The following C1orf141 variants were observed in gnomAD, a reference collection of about 807,000 sequenced individuals.
The protein encoded by C1orf141 is chromosome 1 open reading frame 141.
Under a neutral mutation model 23.2 loss-of-function variants are expected in C1orf141, and 19 were observed. The observed-to-expected ratio is 0.82, with a 90% CI of 0.57 to 1.20. The LOEUF (loss-of-function observed/expected upper bound fraction) is 1.20, where lower values mean the gene tolerates loss of function less well. Ranked by LOEUF, C1orf141 falls within the 50% of genes most tolerant of loss-of-function variation. The pLI, the probability that C1orf141 is intolerant of heterozygous loss-of-function variation, is 0.00. For missense variants in C1orf141, 469 were observed against 455.1 expected, an observed-to-expected ratio of 1.03 and a Z score of -0.28; for synonymous variants, 153 against 154.6, an observed-to-expected ratio of 0.99 and a Z score of 0.08.
At position 67,141,080 on chromosome 1, in the gene C1orf141, A is replaced by G. The variant is rs1455189441; in HGVS notation, c.-103-9853T>C. On this transcript the variant is annotated intron_variant, in intron 1 of 7. Coordinates refer to the C1orf141 transcript ENST00000371007. Reference sequence around the variant, plus strand: ...TACAAGAGGTATGAAGAAATACGTAATAACATAGGAAAATGTGTATGATAT... The same window carrying G: ...TACAAGAGGTATGAAGAAATACGTAGTAACATAGGAAAATGTGTATGATAT... Among the ~76,000 whole-genome samples, 34 of 152,320 alleles carry G rather than the reference A, an allele frequency of 2.2e-4. 1 individual carries two copies. The highest frequency in any genetic ancestry group is 1.5e-5 in the Non-Finnish European group (1 of 68,000).
chr1:67,118,151 T>A (rs1646232093), intron 4 of C1orf141, among the ~76,000 whole-genome samples: 1 of 152,188 alleles, frequency 6.6e-6, no homozygotes, highest in Non-Finnish European at 1.5e-5. Context: ...AATTATTCCG[T>A]TGCCTTAGAA....
At chr1:67,131,944 G>A (rs1361377475) in intron 1 of C1orf141, among the ~76,000 whole-genome samples, 4 of 149,764 alleles carry the variant, frequency 2.7e-5, no homozygotes, top group African/African-American at 2.5e-5. Flanking sequence ...GCCACCACAC[G>A]CAGCTAATTT....
At chr1:67,129,732 C>A (rs969191790) in intron 2 of C1orf141, among the ~76,000 whole-genome samples, 3 of 152,174 alleles carry the variant, frequency 2.0e-5, no homozygotes, top group African/African-American at 7.2e-5. Context: ...ACTGCTGTGA[C>A]CTAAACCAGT....
chr1:67,113,374 C>CT (rs933933961), intron 5 of C1orf141, among the ~76,000 whole-genome samples: 7 of 150,394 alleles, frequency 4.7e-5, no homozygotes, highest in Non-Finnish European at 7.4e-5. Flanking sequence ...TCTTTTCTTT[C>CT]TTTTTTTTTA....
rs78654429 is a variant in C1orf141 at position 67,096,415 on chromosome 1, T to C, written c.347-94A>G. Reference sequence around the variant, plus strand: ...AAATATTTTACAATTTAAAATAACATATGGAAAGTACCTAGTATAGTGCCT... The same window carrying C: ...AAATATTTTACAATTTAAAATAACACATGGAAAGTACCTAGTATAGTGCCT... On this transcript the variant is annotated intron_variant, in intron 5 of 7. Coordinates refer to ENST00000684719, the MANE Select transcript of C1orf141 (RefSeq NM_001276351.2). 11 of 682,474 alleles carry C rather than the reference T, an allele frequency of 1.6e-5. No homozygotes were observed. The East Asian group carries it at 2.8e-4, about 17-fold the overall frequency. 42.3% of individuals were successfully genotyped at this position (682,474 alleles called of 1,614,324 possible).
In C1orf141 at chr1:67,096,352, A is replaced by G. The variant is rs761557211; in HGVS notation, c.347-31T>C. ...ATTTTAAAAGATTTTCATAAAAGAC[A>G]CATAGATATTCTGACATTTAGGAAA... On this transcript the variant is annotated intron_variant, in intron 5 of 7. Coordinates refer to ENST00000684719, the MANE Select transcript of C1orf141 (RefSeq NM_001276351.2). 1.4e-5 allele frequency: 15 copies of G among 1,092,542 alleles called. No homozygotes were observed. In the South Asian group the frequency reaches 1.8e-4, roughly 13 times the overall value. 67.7% of individuals were successfully genotyped at this position (1,092,542 alleles called of 1,614,324 possible). A position where few individuals can be genotyped will look rare whatever the true frequency, so the allele number is the denominator to read the frequency against.
rs1263140482 is a variant in C1orf141, at chr1:67,104,660, TATA to T, written c.347-8342_347-8340del. The stretch of plus-strand genomic sequence containing the variant: ...CATGGAACAAATTGTTCTCATGCAA[TATA>T]ATATCAATTAAATTAAAAAGTAAAC... On this transcript the variant is annotated intron_variant, in intron 5 of 7. Coordinates refer to ENST00000684719, the MANE Select transcript of C1orf141 (RefSeq NM_001276351.2). Among the ~76,000 whole-genome samples the T allele has an allele frequency of 7.9e-5, 12 of 152,302 alleles. No homozygotes were observed. In the East Asian group the frequency reaches 2.3e-3, roughly 29 times the overall value.
At chr1:67,121,816 G>C (rs1474951649) in intron 4 of C1orf141, 2 of 152,168 alleles carry the variant, frequency 1.3e-5, no homozygotes, top group Non-Finnish European at 1.5e-5. Context: ...GAGGAGTTGT[G>C]CTAGAAGAAG....
At chr1:67,117,933 A>G (rs1384683931) in intron 4 of C1orf141, among the ~76,000 whole-genome samples, 1 of 152,166 alleles carries the variant, frequency 6.6e-6, no homozygotes, top group Non-Finnish European at 1.5e-5. Flanking sequence ...TCAGTCCTTC[A>G]TGTGTCAAAT....
chr1:67,102,298 C>A (rs1645819507), intron 5 of C1orf141, among the ~76,000 whole-genome samples: 1 of 142,350 alleles, frequency 7.0e-6, no homozygotes, highest in Non-Finnish European at 1.5e-5. Context: ...GAAGATGAAT[C>A]TTCTGCTCCG....
rs1645770839 is a variant in C1orf141, at chr1:67,100,378, C to T, written c.347-4057G>A. Among the ~76,000 whole-genome samples, 3 of 152,138 alleles carry T rather than the reference C, an allele frequency of 2.0e-5. No individual in the cohort carries two copies. The South Asian group carries it at 6.2e-4, about 31-fold the overall frequency. Reference sequence around the variant, plus strand: ...ACTTCAATGTTTATTTTACTCTTTGCTGCTTTTAATATAATTTTAAGTTAC... The same window carrying T: ...ACTTCAATGTTTATTTTACTCTTTGTTGCTTTTAATATAATTTTAAGTTAC... On this transcript the variant is annotated intron_variant, in intron 5 of 7. Transcript: ENST00000684719.
chr1:67,118,671 G>C (rs1239073516), intron 4 of C1orf141, among the ~76,000 whole-genome samples: 1 of 152,186 alleles, frequency 6.6e-6, no homozygotes, highest in Non-Finnish European at 1.5e-5. Context: ...TTGGAAGTGG[G>C]AGCTTTGGGA....
chr1:67,121,213 G>A (rs536048919), intron 4 of C1orf141, among the ~76,000 whole-genome samples: 11 of 152,252 alleles, frequency 7.2e-5, no homozygotes, highest in East Asian at 1.9e-4. Context: ...CTCATTCATC[G>A]ATGGTGTAAG....
At chr1:67,123,826 G>C (rs1448427455) in intron 4 of C1orf141, 3 of 152,160 alleles carry the variant, frequency 2.0e-5, no homozygotes, top group Non-Finnish European at 2.9e-5. Flanking sequence ...ATCTCTACCT[G>C]AATGTTTAGA....
intron 5 of C1orf141, among the ~76,000 whole-genome samples, chr1:67,097,986 T>C (rs1645720191): frequency 6.6e-6 from 1 of 152,176 alleles, no homozygotes; most frequent in South Asian, 2.1e-4. Flanking sequence ...CTCCTTTCCA[T>C]TGCCAATTGG....
chr1:67,127,650 G>T (rs1302068535), intron 2 of C1orf141, among the ~76,000 whole-genome samples: 1 of 151,698 alleles, frequency 6.6e-6, no homozygotes, highest in African/African-American at 2.4e-5. Context: ...CGTTGTTGTT[G>T]TTGAGACAGA....
intron 2 of C1orf141, among the ~76,000 whole-genome samples, chr1:67,128,534 T>C (rs1433729518): frequency 6.6e-6 from 1 of 151,970 alleles, no homozygotes; most frequent in Non-Finnish European, 1.5e-5. Context: ...TGAAACCCTG[T>C]CTCTACTAAA....
At chr1:67,099,881 C>T (rs1179018375) in intron 5 of C1orf141, among the ~76,000 whole-genome samples, 2 of 152,244 alleles carry the variant, frequency 1.3e-5, no homozygotes, top group South Asian at 2.1e-4. Flanking sequence ...TCTTTAAAAA[C>T]GAACAGTATT....
At chr1:67,132,507 G>A (rs1646533093) in intron 1 of C1orf141, among the ~76,000 whole-genome samples, 1 of 151,588 alleles carries the variant, frequency 6.6e-6, no homozygotes, top group South Asian at 2.1e-4. Context: ...TGGGTGACGA[G>A]CGAGTCTCCA....
Sources: gnomAD v4.1 joint callset for allele counts (sites outside exome capture counted in the v4.1 genomes callset) on GRCh38, gnomAD v4.1.1 for gene constraint, MANE v1.5 for transcripts, NCBI Gene and HGNC (gene_info 2026-07-23, HGNC 2026-07-21) for gene names.